The following CAMTA1 variants were observed in gnomAD, a reference collection of about 807,000 sequenced individuals.
CAMTA1 encodes the protein calmodulin-binding transcription activator 1.
A neutral mutation model predicts 170.9 loss-of-function variants in CAMTA1; 27 were observed. The observed-to-expected ratio is 0.16, with a 90% CI of 0.12 to 0.22. The LOEUF (loss-of-function observed/expected upper bound fraction) is 0.22, where lower values mean the gene tolerates loss of function less well. CAMTA1 is among the 10% of genes least tolerant of loss of function. CAMTA1 has a pLI of 1.00. For synonymous variants in CAMTA1, 833 were observed against 891.5 expected (o/e 0.93, Z 1.17); for missense variants, 1,619 against 2,217.2 (o/e 0.73, Z 5.42).
chr1:7,026,924 G>A (rs144866596), intron 3 of CAMTA1, among the ~76,000 whole-genome samples: 20 of 152,206 alleles, frequency 1.3e-4, no homozygotes, highest in African/African-American at 4.3e-4. Context: ...CACTGTGTCC[G>A]GCCAGTAGCT....
At chr1:7,039,312 T>C (rs1704088800) in intron 3 of CAMTA1, among the ~76,000 whole-genome samples, 2 of 152,316 alleles carry the variant, frequency 1.3e-5, no homozygotes, top group South Asian at 2.1e-4. Context: ...ATACAAAGCT[T>C]TGCTTCCCTT....
At position 7,054,700 on chromosome 1, in the gene CAMTA1, C is replaced by T. The variant is rs1707021856; in HGVS notation, c.235-36604C>T. 2.0e-5 allele frequency among the ~76,000 whole-genome samples: 3 copies of T among 152,312 alleles called. No individual in the cohort carries two copies. In the East Asian group the frequency reaches 5.8e-4, roughly 29 times the overall value. ...CGGGCTGTGCCACACTTGAGTTACA[C>T]GGACACCACTTCCGGCTCTGTGACC... is the stretch of plus-strand genomic sequence containing the variant. On this transcript the variant is annotated intron_variant, in intron 3 of 22. Coordinates refer to ENST00000303635, the MANE Select transcript of CAMTA1 (RefSeq NM_015215.4).
intron 6 of CAMTA1, among the ~76,000 whole-genome samples, chr1:7,618,017 C>T (rs2095571450): frequency 6.6e-6 from 1 of 152,174 alleles, no homozygotes; most frequent in South Asian, 2.1e-4. Flanking sequence ...AGTGGGAGCT[C>T]CTGAATTACC....
chr1:7,287,560 TAAAC>T (rs941071067), intron 5 of CAMTA1, among the ~76,000 whole-genome samples: 1 of 152,174 alleles, frequency 6.6e-6, no homozygotes, highest in Admixed American at 6.6e-5. Flanking sequence ...GTGCTGGTAA[TAAAC>T]AAGCCCTTTC....
At chr1:7,568,612 T>C (rs1210337645) in intron 6 of CAMTA1, among the ~76,000 whole-genome samples, 1 of 141,972 alleles carries the variant, frequency 7.0e-6, no homozygotes, top group Non-Finnish European at 1.5e-5. Flanking sequence ...CACATCACCA[T>C]CATCATCACC....
chr1:6,842,279 A>G lies in CAMTA1; in HGVS notation c.234+17069A>G, dbSNP rs559795862. Among the ~76,000 whole-genome samples, 13 of 152,344 alleles carry G rather than the reference A, an allele frequency of 8.5e-5. No homozygotes were observed. In the East Asian group the frequency reaches 2.1e-3, roughly 25 times the overall value. On this transcript the variant is annotated intron_variant, in intron 3 of 22. Transcript: ENST00000303635. ...GAGGTGCTGGTCTTAAAGGGTGTTT[A>G]GGAACAAGTGGGCGTCATAGTGAGT...
chr1:6,864,320 G>A (rs151267877), intron 3 of CAMTA1, among the ~76,000 whole-genome samples: 10 of 152,238 alleles, frequency 6.6e-5, no homozygotes, highest in Middle Eastern at 3.4e-3. Flanking sequence ...TTGCCTGTGC[G>A]CAGACGGTAT....
In CAMTA1 at chr1:7,292,734, C is replaced by T. The variant is rs370139272; in HGVS notation, c.438+43108C>T. Among the ~76,000 whole-genome samples the T allele has an allele frequency of 4.6e-5, 7 of 152,290 alleles. No individual in the cohort carries two copies. In the East Asian group the frequency reaches 9.7e-4, roughly 21 times the overall value. On this transcript the variant is annotated intron_variant, in intron 5 of 22. Transcript: ENST00000303635. ...ATGAGGGATGCCAAATCCTTGCATGCGTTTCTGCACTCCTCTGCACCCACG... is the reference window on the plus strand; with the variant it reads ...ATGAGGGATGCCAAATCCTTGCATGTGTTTCTGCACTCCTCTGCACCCACG...
chr1:7,250,999 T>C (rs1666545752), intron 5 of CAMTA1, among the ~76,000 whole-genome samples: 1 of 152,172 alleles, frequency 6.6e-6, no homozygotes, highest in Non-Finnish European at 1.5e-5. Context: ...GGGAGGACCC[T>C]CATCTCCTAC....
At chr1:7,591,139 G>A (rs59300975) in intron 6 of CAMTA1, among the ~76,000 whole-genome samples, 2 of 152,024 alleles carry the variant, frequency 1.3e-5, no homozygotes, top group African/African-American at 4.8e-5. Context: ...GTTCCCGGGC[G>A]CTGCAGCAAA....
chr1:7,732,351 C>T lies in CAMTA1; in HGVS notation c.2915-97C>T, dbSNP rs2301488. The T allele has an allele frequency of 0.47, 478,074 of 1,007,548 alleles. 114,275 individuals are homozygous for T. Among genetic ancestry groups the T allele is most frequent in the Non-Finnish European group, 0.49 (315,870 of 648,562 alleles). 62.4% of individuals were successfully genotyped at this position (1,007,548 alleles called of 1,614,324 possible). ...CTCTCTGGTTTGGTGAAGTTACGGA[C>T]GGCATTTGGATGCTGGTCCCGCAAG... On this transcript the variant is annotated intron_variant, in intron 11 of 22. Coordinates refer to ENST00000303635, the MANE Select transcript of CAMTA1 (RefSeq NM_015215.4). The surrounding 1 kb of genome is among the most constrained non-coding windows in gnomAD (Gnocchi z 4.1).
At chr1:7,245,587 G>A (rs923603178) in intron 4 of CAMTA1, among the ~76,000 whole-genome samples, 1 of 152,062 alleles carries the variant, frequency 6.6e-6, no homozygotes, top group Non-Finnish European at 1.5e-5. Context: ...GTTGCACTGA[G>A]CGCTATTGGT....
intron 5 of CAMTA1, among the ~76,000 whole-genome samples, chr1:7,378,061 T>C (rs946679109): frequency 1.3e-5 from 2 of 152,188 alleles, no homozygotes; most frequent in African/African-American, 4.8e-5. Context: ...GCCAAAAAGA[T>C]GTACAGAAAA....
At chr1:7,179,445 T>C (rs1192140445) in intron 4 of CAMTA1, among the ~76,000 whole-genome samples, 1 of 152,200 alleles carries the variant, frequency 6.6e-6, no homozygotes, top group Non-Finnish European at 1.5e-5. Flanking sequence ...CACAATAATA[T>C]AGAATATACT....
intron 3 of CAMTA1, among the ~76,000 whole-genome samples, chr1:7,056,068 C>T (rs569506309): frequency 1.5e-4 from 23 of 152,246 alleles, no homozygotes; most frequent in East Asian, 5.8e-4. Context: ...CTTCTCTGCA[C>T]GACTCATGTG....
At chr1:7,558,240 G>T (rs780558786) in intron 6 of CAMTA1, among the ~76,000 whole-genome samples, 5 of 152,180 alleles carry the variant, frequency 3.3e-5, no homozygotes, top group Non-Finnish European at 5.9e-5. Context: ...TGCTCATGGC[G>T]CCAGGGCCCC....
chr1:7,346,444 C>T (rs1475276785), intron 5 of CAMTA1, among the ~76,000 whole-genome samples: 2 of 152,112 alleles, frequency 1.3e-5, no homozygotes, highest in Non-Finnish European at 2.9e-5. Context: ...CAAGAAAAGG[C>T]CCAGAATTAG....
At chr1:7,226,936 C>T (rs1661813179) in intron 4 of CAMTA1, among the ~76,000 whole-genome samples, 1 of 152,034 alleles carries the variant, frequency 6.6e-6, no homozygotes, top group South Asian at 2.1e-4. Flanking sequence ...GGGTTGACGC[C>T]ATTCTCCTGC....
At chr1:6,808,543 C>T (rs956696565) in intron 1 of CAMTA1, among the ~76,000 whole-genome samples, 1 of 152,196 alleles carries the variant, frequency 6.6e-6, no homozygotes, top group Admixed American at 6.5e-5. Context: ...CTTGACCTTG[C>T]CCCTCTTTTC....
Sources: gnomAD v4.1 joint callset for allele counts (sites outside exome capture counted in the v4.1 genomes callset) on GRCh38, gnomAD v4.1.1 for gene constraint, Gnocchi (gnomAD v3.1) non-coding constraint, MANE v1.5 for transcripts, NCBI Gene and HGNC (gene_info 2026-07-23, HGNC 2026-07-21) for gene names.